The following ZBTB20 variants were observed in gnomAD, a reference collection of about 807,000 sequenced individuals.
ZBTB20 encodes zinc finger and BTB domain-containing protein 20.
ZBTB20 carries 9 observed loss-of-function variants against 56.9 expected under a neutral mutation model. That is an observed-to-expected ratio of 0.16 (90% CI 0.10 to 0.28). The LOEUF (loss-of-function observed/expected upper bound fraction) is 0.28. Among genes scored for constraint, ZBTB20 ranks in the 10% least tolerant of loss-of-function variants. The pLI, the probability that ZBTB20 is intolerant of heterozygous loss-of-function variation, is 1.00. For synonymous variants in ZBTB20, 417 were observed against 420.7 expected (o/e 0.99, Z 0.11); for missense variants, 655 against 1,003.0 (o/e 0.65, Z 4.69).
chr3:114,589,988 C>T lies in ZBTB20; in HGVS notation c.-294-89597G>A, dbSNP rs78475898. On this transcript the variant is annotated intron_variant, in intron 6 of 11. Coordinates refer to ENST00000675478, the MANE Select transcript of ZBTB20 (RefSeq NM_001348800.3). ...TTGGAGATGAATCAAAAATATTTCA[C>T]TTAATGCCATAGGAAGGAAATGGTC... Among the ~76,000 whole-genome samples the T allele has an allele frequency of 1.6e-4, 24 of 152,252 alleles. No individual in the cohort carries two copies. In the East Asian group the frequency reaches 2.9e-3, roughly 18 times the overall value.
At chr3:114,712,165 T>C (rs1318282736) in intron 5 of ZBTB20, among the ~76,000 whole-genome samples, 2 of 152,178 alleles carry the variant, frequency 1.3e-5, no homozygotes, top group African/African-American at 2.4e-5. Context: ...CCTGTTTCTG[T>C]ATAAGACTTG....
intron 6 of ZBTB20, among the ~76,000 whole-genome samples, chr3:114,604,167 A>C (rs183718969): frequency 6.6e-6 from 1 of 152,070 alleles, no homozygotes; most frequent in Non-Finnish European, 1.5e-5. Context: ...ACCATGATGC[A>C]TTTATATAAT....
chr3:114,665,262 G>T (rs2060983912), intron 6 of ZBTB20, among the ~76,000 whole-genome samples: 2 of 151,894 alleles, frequency 1.3e-5, no homozygotes, highest in Admixed American at 6.6e-5. Context: ...TGTTACAATT[G>T]CCTACAGTAT....
intron 7 of ZBTB20, among the ~76,000 whole-genome samples, chr3:114,480,157 A>T (rs984473495): frequency 8.5e-5 from 13 of 152,344 alleles, no homozygotes; most frequent in East Asian, 3.9e-4. Context: ...GAAGAAAAAA[A>T]ATCCACCAAC....
intron 7 of ZBTB20, among the ~76,000 whole-genome samples, chr3:114,493,330 T>A (rs2109539724): frequency 6.6e-6 from 1 of 152,364 alleles, no homozygotes; most frequent in South Asian, 2.1e-4. Flanking sequence ...AGCTGCTATG[T>A]ACATTGGTGT....
chr3:114,538,489 T>C, intron 6 of ZBTB20, among the ~76,000 whole-genome samples: 1 of 152,196 alleles, frequency 6.6e-6, no homozygotes, highest in East Asian at 1.9e-4. Flanking sequence ...TCATTTGACA[T>C]ACTGCTTACC....
At chr3:114,487,497 T>C (rs2042266362) in intron 7 of ZBTB20, among the ~76,000 whole-genome samples, 2 of 152,154 alleles carry the variant, frequency 1.3e-5, no homozygotes, top group Non-Finnish European at 2.9e-5. Context: ...ATGTCCACAA[T>C]TTTCTGCCAA....
chr3:114,724,985 G>C (rs2065167562), intron 5 of ZBTB20, among the ~76,000 whole-genome samples: 1 of 152,168 alleles, frequency 6.6e-6, no homozygotes, highest in South Asian at 2.1e-4. Flanking sequence ...TCCAATCCCA[G>C]AGATTCTGAT....
At chr3:115,016,506 G>T (rs936237842) in intron 2 of ZBTB20, among the ~76,000 whole-genome samples, 1 of 151,820 alleles carries the variant, frequency 6.6e-6, no homozygotes, top group African/African-American at 2.4e-5. Context: ...GTAAAGAAGG[G>T]GTTCAGTTTC....
intron 6 of ZBTB20, among the ~76,000 whole-genome samples, chr3:114,677,502 A>G (rs1424709948): frequency 6.6e-6 from 1 of 151,930 alleles, no homozygotes; most frequent in Non-Finnish European, 1.5e-5. Context: ...GAGTCTGCAC[A>G]CTCCTTATGA....
chr3:115,144,417 A>G (rs2084906572), intron 1 of ZBTB20, among the ~76,000 whole-genome samples: 1 of 152,150 alleles, frequency 6.6e-6, no homozygotes, highest in African/African-American at 2.4e-5. Flanking sequence ...ATTCGCTTAA[A>G]ATATTTTTTC....
intron 1 of ZBTB20, among the ~76,000 whole-genome samples, chr3:115,107,732 G>GT: frequency 6.6e-6 from 1 of 152,258 alleles, no homozygotes; most frequent in African/African-American, 2.4e-5. Flanking sequence ...AGCAGACATG[G>GT]AACCAACCAA....
chr3:114,485,944 T>A (rs559420534), intron 7 of ZBTB20, among the ~76,000 whole-genome samples: 336 of 152,244 alleles, frequency 2.2e-3, no homozygotes, highest in Non-Finnish European at 3.1e-3. Context: ...AAAAATGGAC[T>A]AACACATTAG....
intron 6 of ZBTB20, among the ~76,000 whole-genome samples, chr3:114,570,862 A>G (rs1284938889): frequency 6.6e-6 from 1 of 152,150 alleles, no homozygotes; most frequent in Non-Finnish European, 1.5e-5. Flanking sequence ...AGAATAAGCT[A>G]TTTGCTATCT....
intron 4 of ZBTB20, among the ~76,000 whole-genome samples, chr3:114,837,988 C>T (rs688357): frequency 0.043 from 6,566 of 152,224 alleles, 486 homozygotes; most frequent in African/African-American, 0.15. Context: ...AATAAAATCT[C>T]ACTCAAGTAG....
intron 2 of ZBTB20, among the ~76,000 whole-genome samples, chr3:114,998,837 T>C (rs1254639545): frequency 6.6e-6 from 1 of 151,482 alleles, no homozygotes; most frequent in East Asian, 2.0e-4. Flanking sequence ...TAGAAGGTAA[T>C]TTGGTATTGG....
chr3:114,637,322 C>T (rs1460048694), intron 6 of ZBTB20, among the ~76,000 whole-genome samples: 4 of 152,024 alleles, frequency 2.6e-5, no homozygotes, highest in Non-Finnish European at 5.9e-5. Flanking sequence ...CAAGAGACAG[C>T]AGTAGGCTTT....
intron 4 of ZBTB20, among the ~76,000 whole-genome samples, chr3:114,880,606 A>T (rs774680475): frequency 6.6e-6 from 1 of 152,178 alleles, no homozygotes; most frequent in Non-Finnish European, 1.5e-5. Flanking sequence ...GGATGTTTAT[A>T]AAAAAGATTG....
chr3:114,314,736 T>C lies in ZBTB20; in HGVS notation c.*24269A>G, dbSNP rs1321922631. 2.0e-5 allele frequency: 3 copies of C among 152,008 alleles called. No individual in the cohort carries two copies. The highest frequency in any genetic ancestry group is 7.2e-5 in the African/African-American group (3 of 41,420). 9.4% of individuals were successfully genotyped at this position (152,008 alleles called of 1,614,324 possible). A position where few individuals can be genotyped will look rare whatever the true frequency, so the allele number is the denominator to read the frequency against. ...ATTTTTAAGGCGTAATACTTCCGTA[T>C]AAAGTATATGCAAGAGATAAAACTT... On this transcript the variant is annotated 3_prime_UTR_variant, in exon 12 of 12. Coordinates refer to ENST00000675478, the MANE Select transcript of ZBTB20 (RefSeq NM_001348800.3).
Sources: allele counts gnomAD v4.1 joint callset (sites outside exome capture counted in the v4.1 genomes callset), GRCh38; gene constraint gnomAD v4.1.1; transcripts MANE v1.5; gene names NCBI Gene and HGNC (gene_info 2026-07-23, HGNC 2026-07-21).